The following GRIN2A variants were observed in gnomAD, a reference collection of about 807,000 sequenced individuals.
GRIN2A encodes glutamate ionotropic receptor NMDA type subunit 2A.
A neutral mutation model predicts 113.4 loss-of-function variants in GRIN2A; 22 were observed. The observed-to-expected ratio is 0.19, with a 90% CI of 0.14 to 0.28. The LOEUF (loss-of-function observed/expected upper bound fraction) is 0.28, where lower values mean the gene tolerates loss of function less well. GRIN2A is among the 10% of genes least tolerant of loss of function. GRIN2A has a pLI of 1.00. For missense variants in GRIN2A, 1,502 were observed against 1,887.0 expected, an observed-to-expected ratio of 0.80 and a Z score of 3.78; for synonymous variants, 827 against 738.4, an observed-to-expected ratio of 1.12 and a Z score of -1.94.
chr16:9,927,867 C>T (rs1404101414), intron 3 of GRIN2A, among the ~76,000 whole-genome samples: 1 of 152,210 alleles, frequency 6.6e-6, no homozygotes, highest in Non-Finnish European at 1.5e-5. Context: ...GCACATTTCT[C>T]AGGAGAGCTA....
intron 4 of GRIN2A, among the ~76,000 whole-genome samples, chr16:9,852,634 T>C (rs2042904424): frequency 6.6e-6 from 1 of 152,206 alleles, no homozygotes. Flanking sequence ...CTGAAGCTGC[T>C]GTGTCAACAC....
In GRIN2A at chr16:9,759,318, C is replaced by T. The variant is rs1220511983; in HGVS notation, c.*3831G>A. On this transcript the variant is annotated 3_prime_UTR_variant, in exon 13 of 13. Coordinates refer to ENST00000330684, the MANE Select transcript of GRIN2A (RefSeq NM_001134407.3). ...CAACATTTTTTTTCTTTTTCATTAGCAATTCTATTTGCAAATAATTCAGGG... is the reference window on the plus strand; with the variant it reads ...CAACATTTTTTTTCTTTTTCATTAGTAATTCTATTTGCAAATAATTCAGGG... 4.5e-6 allele frequency: 1 copy of T among 221,750 alleles called. No individual in the cohort carries two copies. Among genetic ancestry groups the T allele is most frequent in the East Asian group, 6.6e-5 (1 of 15,126 alleles). The allele number at this position is 221,750 out of a possible 1,614,324, so 13.7% of individuals were successfully genotyped here. A position where few individuals can be genotyped will look rare whatever the true frequency, so the allele number is the denominator to read the frequency against.
chr16:10,173,007 C>T (rs1338777281), intron 2 of GRIN2A, among the ~76,000 whole-genome samples: 2 of 152,088 alleles, frequency 1.3e-5, no homozygotes, highest in African/African-American at 2.4e-5. Context: ...AGATAAACAC[C>T]GCTGCAAACC....
At chr16:9,853,672 A>T (rs2042921341) in intron 4 of GRIN2A, among the ~76,000 whole-genome samples, 2 of 152,202 alleles carry the variant, frequency 1.3e-5, no homozygotes, top group Admixed American at 1.3e-4. Context: ...GTCACCATGG[A>T]TATATGTCCA....
Position 9,753,452 on chromosome 16 carries a change from G to T in GRIN2A, c.*9697C>A. 5.1e-6 allele frequency: 1 copy of T among 197,414 alleles called. No individual in the cohort carries two copies. The highest frequency in any genetic ancestry group is 7.9e-5 in the East Asian group (1 of 12,690). The allele number at this position is 197,414 out of a possible 1,614,324, so 12.2% of individuals were successfully genotyped here. On this transcript the variant is annotated 3_prime_UTR_variant, in exon 13 of 13. Transcript: ENST00000330684. The stretch of plus-strand genomic sequence containing the variant: ...CAGAAATTATCTTTATTAGAAAAAT[G>T]AAATTTTCCTGTATTTACATTTTTA...
At chr16:10,056,784 G>A (rs1429284655) in intron 2 of GRIN2A, among the ~76,000 whole-genome samples, 2 of 152,062 alleles carry the variant, frequency 1.3e-5, no homozygotes, top group Non-Finnish European at 2.9e-5. Context: ...TGCAGGGGAG[G>A]GTCTTCCCTT....
chr16:10,098,547 T>C (rs56363031), intron 2 of GRIN2A, among the ~76,000 whole-genome samples: 28,944 of 152,138 alleles, frequency 0.19, 3,173 homozygotes, highest in African/African-American at 0.3. Flanking sequence ...AAATATGGAA[T>C]CAGCCCAAAT....
intron 2 of GRIN2A, chr16:10,037,280 A>C (rs1704690639): frequency 6.6e-6 from 1 of 152,190 alleles, no homozygotes; most frequent in South Asian, 2.1e-4. Context: ...CTTGAAATAT[A>C]AAAACGACCC....
intron 4 of GRIN2A, among the ~76,000 whole-genome samples, chr16:9,890,248 C>T (rs2141479721): frequency 6.6e-6 from 1 of 152,296 alleles, no homozygotes; most frequent in South Asian, 2.1e-4. Context: ...CCCTTTTATT[C>T]TACTCTTTAT....
intron 2 of GRIN2A, among the ~76,000 whole-genome samples, chr16:9,975,245 C>A (rs1258561271): frequency 6.6e-6 from 1 of 152,094 alleles, no homozygotes; most frequent in Non-Finnish European, 1.5e-5. Context: ...GATGTCCACA[C>A]CTTTAACCCT....
At chr16:9,932,016 A>T (rs1019062926) in intron 3 of GRIN2A, among the ~76,000 whole-genome samples, 9 of 152,194 alleles carry the variant, frequency 5.9e-5, no homozygotes, top group African/African-American at 2.2e-4. Context: ...AAGCTACCAA[A>T]AAGCAGCTTG....
chr16:9,959,948 C>T (rs533895239), intron 2 of GRIN2A, among the ~76,000 whole-genome samples: 4 of 152,002 alleles, frequency 2.6e-5, no homozygotes, highest in Non-Finnish European at 5.9e-5. Flanking sequence ...ACTCCAGCCT[C>T]GGTGACAGAG....
At chr16:10,081,197 C>A (rs1316535793) in intron 2 of GRIN2A, among the ~76,000 whole-genome samples, 2 of 152,210 alleles carry the variant, frequency 1.3e-5, no homozygotes, top group African/African-American at 4.8e-5. Flanking sequence ...CACTGCTACG[C>A]CTTCCCACAC....
At position 9,872,305 on chromosome 16, in the gene GRIN2A, G is replaced by A. The variant is rs569458560; in HGVS notation, c.1122+18681C>T. Among the ~76,000 whole-genome samples the A allele has an allele frequency of 1.9e-3, 292 of 152,256 alleles. 1 individual carries two copies. The highest frequency in any genetic ancestry group is 5.6e-3 in the African/African-American group (231 of 41,554). On this transcript the variant is annotated intron_variant, in intron 4 of 12. Transcript: ENST00000330684. ...ACCCCAAACAGCTCAGCTCCTAACCGGTGCCATGCTCAGTGAAACAGGGGA... is the reference window on the plus strand; with the variant it reads ...ACCCCAAACAGCTCAGCTCCTAACCAGTGCCATGCTCAGTGAAACAGGGGA...
At position 10,137,352 on chromosome 16, in the gene GRIN2A, G is replaced by A. The variant is rs576170456; in HGVS notation, c.414+42646C>T. On this transcript the variant is annotated intron_variant, in intron 2 of 12. Coordinates refer to ENST00000330684, the MANE Select transcript of GRIN2A (RefSeq NM_001134407.3). ...AGGAGGCTGGATTGAAAGCAGGCCTGACTCTAAAGTCACATTCTTGCCCCC... is the reference window on the plus strand; with the variant it reads ...AGGAGGCTGGATTGAAAGCAGGCCTAACTCTAAAGTCACATTCTTGCCCCC... 2.0e-4 allele frequency among the ~76,000 whole-genome samples: 30 copies of A among 152,310 alleles called. No individual in the cohort carries two copies. The South Asian group carries it at 5.8e-3, about 29-fold the overall frequency.
chr16:9,926,604 CT>C (rs1267728046), intron 3 of GRIN2A, among the ~76,000 whole-genome samples: 1 of 152,212 alleles, frequency 6.6e-6, no homozygotes, highest in East Asian at 1.9e-4. Flanking sequence ...TCATCAAGTT[CT>C]TGTTTTGGAA....
chr16:9,971,470 T>C (rs536887235), intron 2 of GRIN2A, among the ~76,000 whole-genome samples: 1 of 152,348 alleles, frequency 6.6e-6, no homozygotes, highest in South Asian at 2.1e-4. Flanking sequence ...CAGCTGTTAT[T>C]ACATGCAGCA....
At chr16:9,859,142 T>G (rs1567351538) in intron 4 of GRIN2A, among the ~76,000 whole-genome samples, 1 of 152,040 alleles carries the variant, frequency 6.6e-6, no homozygotes, top group East Asian at 1.9e-4. Flanking sequence ...AACCTCACTA[T>G]TCTCTTTTTC....
At chr16:9,828,725 T>C (rs954714567) in intron 9 of GRIN2A, among the ~76,000 whole-genome samples, 1 of 152,156 alleles carries the variant, frequency 6.6e-6, no homozygotes, top group Non-Finnish European at 1.5e-5. Context: ...TTCATTTCAC[T>C]GGAGAATGAG....
Sources: allele counts gnomAD v4.1 joint callset (sites outside exome capture counted in the v4.1 genomes callset), GRCh38; gene constraint gnomAD v4.1.1; transcripts MANE v1.5; gene names NCBI Gene and HGNC (gene_info 2026-07-23, HGNC 2026-07-21).